The following AAAS variants were observed in gnomAD, a reference collection of about 807,000 sequenced individuals.
AAAS encodes aladin.
AAAS carries 60 observed loss-of-function variants against 75.6 expected under a neutral mutation model. The observed-to-expected ratio is 0.79, with a 90% CI of 0.64 to 0.98. The LOEUF is 0.98. AAAS is among the 50% of genes least tolerant of loss of function. AAAS has a pLI of 0.00. For synonymous variants in AAAS, 271 were observed against 265.0 expected (o/e 1.02, Z -0.22); for missense variants, 658 against 686.9 (o/e 0.96, Z 0.47).
intron 2 of AAAS, among the ~76,000 whole-genome samples, chr12:53,318,897 A>T (rs1944508413): frequency 6.6e-6 from 1 of 152,218 alleles, no homozygotes; most frequent in Non-Finnish European, 1.5e-5. Context: ...GCAGCCACAG[A>T]AGTAGGAGAC....
At chr12:53,314,959 C>CT (rs1944440845) in intron 5 of AAAS, 110 bp from the exon 6 acceptor site, 1 of 1,485,024 alleles carries the variant, frequency 6.7e-7, no homozygotes, top group Non-Finnish European at 9.4e-7. Flanking sequence ...TTCTTGTATT[C>CT]TTTTTTGGGG....
In AAAS at chr12:53,315,793, A is replaced by G. The variant is rs1944453472; in HGVS notation, c.252-11T>C. The stretch of plus-strand genomic sequence containing the variant: ...AGGCCCACATCACGCCTGATAAGGG[A>G]GGAAAATGTGGGTCAGCTTACTCTG... On this transcript the variant is annotated splice_polypyrimidine_tract_variant and intron_variant, in intron 2 of 15. Transcript: ENST00000209873. 6.2e-7 allele frequency: 1 copy of G among 1,613,444 alleles called. No individual in the cohort carries two copies. The highest frequency in any genetic ancestry group is 1.7e-5 in the Admixed American group (1 of 59,890).
At chr12:53,309,503 C>G in intron 8 of AAAS, 98 bp downstream of exon 8, 1 of 1,598,320 alleles carries the variant, frequency 6.3e-7, no homozygotes, top group East Asian at 2.2e-5. Flanking sequence ...ACTGAATGGA[C>G]CAAGGTCCCT....
chr12:53,312,863 T>TATA, intron 7 of AAAS, among the ~76,000 whole-genome samples: 1 of 3,770 alleles, frequency 2.7e-4, no homozygotes, highest in African/African-American at 4.0e-4. Context: ...TATATATATA[T>TATA]TTTTTTTTTT....
chr12:53,308,924 C>T, intron 10 of AAAS, 36 bp downstream of exon 10: 1 of 1,614,044 alleles, frequency 6.2e-7, no homozygotes, highest in South Asian at 1.1e-5. Flanking sequence ...GGAATCATCT[C>T]CTCCCCAGTG....
At chr12:53,309,547 G>A (rs947082227) in intron 8 of AAAS, 54 bp downstream of exon 8, 104 of 1,612,350 alleles carry the variant, frequency 6.5e-5, no homozygotes, top group Non-Finnish European at 5.1e-5. Flanking sequence ...ACAACCGAGT[G>A]AGGAACACTT....
intron 7 of AAAS, 114 bp downstream of exon 7, chr12:53,314,184 C>G: frequency 6.9e-7 from 1 of 1,453,242 alleles, no homozygotes; most frequent in South Asian, 1.2e-5. Context: ...TTTCCCATAG[C>G]CCTGGGAAGT....
In AAAS at chr12:53,321,585, A is replaced by G. The variant is rs1944559596; in HGVS notation, c.-120T>C. ...TGCGGACGGGTACCGCAAGGGACAA[A>G]CGGCGAGGCGGAACTCAACGGAAGT... On this transcript the variant is annotated 5_prime_UTR_variant, in exon 1 of 16. Coordinates refer to ENST00000209873, the MANE Select transcript of AAAS (RefSeq NM_015665.6). 6 of 1,550,390 alleles carry G rather than the reference A, an allele frequency of 3.9e-6. No homozygotes were observed. The African/African-American group carries it at 4.1e-5, about 11-fold the overall frequency.
chr12:53,314,881 C>A, intron 5 of AAAS, 32 bp from the exon 6 acceptor site: 2 of 1,591,514 alleles, frequency 1.3e-6, no homozygotes, highest in Non-Finnish European at 1.7e-6. Flanking sequence ...AGAGTTCCTG[C>A]ACCTATCCCT....
intron 8 of AAAS, 22 bp downstream of exon 8, chr12:53,309,579 T>G: frequency 6.2e-7 from 1 of 1,613,526 alleles, no homozygotes. Context: ...GAAATGTGCA[T>G]GAGGGGCAGG....
intron 7 of AAAS, among the ~76,000 whole-genome samples, chr12:53,312,860 A>T (rs1387782331): frequency 2.4e-4 from 8 of 33,144 alleles, no homozygotes; most frequent in Admixed American, 6.9e-4. Context: ...ATATATATAT[A>T]TATTTTTTTT....
rs190876509 is a variant in AAAS, at chr12:53,315,407, C to A, written c.327G>T (p.Thr109=). Residue 109 remains threonine, a synonymous_variant, in exon 4 of 16, where the codon ACG becomes ACT. Transcript: ENST00000209873. The part of the protein sequence containing the change: ...SEEEVFEWVK[T]ASGWALALCR... Reference sequence around the variant, plus strand: ...AGAGTGCCAGGGCCCAGCCGGATGCCGTCTTCACCCACTCAAACACTGTAG... The same window carrying A: ...AGAGTGCCAGGGCCCAGCCGGATGCAGTCTTCACCCACTCAAACACTGTAG... 154 of 1,613,428 alleles carry A rather than the reference C, an allele frequency of 9.5e-5. No individual in the cohort carries two copies. The East Asian group carries it at 3.0e-3, about 32-fold the overall frequency.
chr12:53,307,549 AGGGGCAGAGGTT>A lies in AAAS; in HGVS notation c.1569_1580del (p.Thr524_Pro527del). On this transcript the variant is annotated inframe_deletion, in exon 16 of 16. Coordinates refer to ENST00000209873, the MANE Select transcript of AAAS (RefSeq NM_015665.6). The stretch of plus-strand genomic sequence containing the variant: ...GTGGTGGCCCTGGGAGAGGGTCCCA[AGGGGCAGAGGTT>A]GGGGATGTCTCAGTAAAGAGGGGCA... 2 of 1,614,152 alleles carry A rather than the reference AGGGGCAGAGGTT, an allele frequency of 1.2e-6. No homozygotes were observed. Among genetic ancestry groups the A allele is most frequent in the Non-Finnish European group, 1.7e-6 (2 of 1,180,006 alleles).
rs1449602585 is a variant in AAAS, at chr12:53,307,640, A to C, written c.1490T>G (p.Val497Gly). The change falls in exon 16 of 16, where the codon GTG (valine) becomes GGG (glycine). Residue 497 changes from valine (V) to glycine (G), a missense_variant. Val to Gly is a moderately radical substitution (Grantham distance 109). Transcript: ENST00000209873. Reference sequence around the variant, plus strand: ...AGGGGGTTCCTGGGCCCGCCCAAGCACTGGGCTAAAACGTGGAAACTGGGC... The same window carrying C: ...AGGGGGTTCCTGGGCCCGCCCAAGCCCTGGGCTAAAACGTGGAAACTGGGC... ...VNAQFPRFSP[V>G]LGRAQEPPAG... is the part of the protein sequence containing the mutation. The C allele has an allele frequency of 1.2e-6, 2 of 1,614,204 alleles. No individual in the cohort carries two copies. The highest frequency in any genetic ancestry group is 1.7e-6 in the Non-Finnish European group (2 of 1,180,040).
rs751836874 is a variant in AAAS, at chr12:53,309,652, G to A, written c.759C>T (p.Ala253=). 6.8e-6 allele frequency: 11 copies of A among 1,613,536 alleles called. No individual in the cohort carries two copies. The East Asian group carries it at 2.5e-4, about 36-fold the overall frequency. ...GHTPVTSLAW[A]PSGGRLLSAS... The stretch of plus-strand genomic sequence containing the variant: ...CTGAGAGCAGCCGCCCCCCACTGGG[G>A]GCCCAGGCCAAGCTGGTAACAGGTG... The change falls in exon 8 of 16, where the codon GCC becomes GCT. Residue 253 remains alanine, a synonymous_variant. Coordinates refer to ENST00000209873, the MANE Select transcript of AAAS (RefSeq NM_015665.6).
At chr12:53,320,967 T>C (rs1944544560) in intron 1 of AAAS, 1 of 538,290 alleles carries the variant, frequency 1.9e-6, no homozygotes, top group Admixed American at 3.2e-5. Flanking sequence ...TAGCAAACGC[T>C]CAATAAATGT....
intron 7 of AAAS, among the ~76,000 whole-genome samples, chr12:53,311,625 A>G (rs777492917): frequency 6.6e-6 from 1 of 152,190 alleles, no homozygotes; most frequent in Non-Finnish European, 1.5e-5. Context: ...TAAAAAAACC[A>G]AAAAACAGGC....
At chr12:53,314,691 A>T in intron 6 of AAAS, 60 bp downstream of exon 6, 1 of 1,549,832 alleles carries the variant, frequency 6.5e-7, no homozygotes, top group Non-Finnish European at 8.8e-7. Context: ...CCCGGAACCA[A>T]GGCTGGCAAG....
At position 53,308,102 on chromosome 12, in the gene AAAS, G is replaced by A. The variant is rs1469648155; in HGVS notation, c.1281C>T (p.Val427=). ...GKPRVQDGKP[V]ILLFRTRNSP... ...TGTTTCGAGTGCGAAAAAGGAGGAT[G>A]ACTGGTTTACCATCCTGTACCCTTG... The change falls in exon 14 of 16, where the codon GTC becomes GTT. Residue 427 remains valine, a synonymous_variant. Coordinates refer to ENST00000209873, the MANE Select transcript of AAAS (RefSeq NM_015665.6). 4 of 1,614,078 alleles carry A rather than the reference G, an allele frequency of 2.5e-6. No homozygotes were observed. In the African/African-American group the frequency reaches 5.3e-5, roughly 22 times the overall value.
Sources: allele counts gnomAD v4.1 joint callset (sites outside exome capture counted in the v4.1 genomes callset), GRCh38; gene constraint gnomAD v4.1.1; transcripts MANE v1.5; gene names NCBI Gene and HGNC (gene_info 2026-07-23, HGNC 2026-07-21).